The following MACROD2 variants were observed in gnomAD, a reference collection of about 807,000 sequenced individuals.
MACROD2 encodes mono-ADP ribosylhydrolase 2.
MACROD2 carries 36 observed loss-of-function variants against 70.4 expected under a neutral mutation model. The observed-to-expected ratio is 0.51, with a 90% CI of 0.39 to 0.68. MACROD2 has a LOEUF of 0.68. Ranked by LOEUF, MACROD2 falls within the 30% of genes least tolerant of loss-of-function variation. MACROD2 has a pLI of 0.00. For synonymous variants in MACROD2, 172 were observed against 178.8 expected (o/e 0.96, Z 0.30); for missense variants, 496 against 538.4 (o/e 0.92, Z 0.78).
At chr20:15,833,886 C>T (rs979825342) in intron 8 of MACROD2, among the ~76,000 whole-genome samples, 2 of 152,148 alleles carry the variant, frequency 1.3e-5, no homozygotes, top group Non-Finnish European at 2.9e-5. Context: ...TCACTCTTAT[C>T]GTCACTGGTT....
At chr20:15,794,970 CCCCA>C (rs1333357332) in intron 8 of MACROD2, among the ~76,000 whole-genome samples, 5 of 152,028 alleles carry the variant, frequency 3.3e-5, no homozygotes, top group African/African-American at 1.2e-4. Flanking sequence ...CTTTCCTACC[CCCCA>C]CCCAACCAGT....
chr20:14,706,013 T>C (rs1165308001), intron 5 of MACROD2, among the ~76,000 whole-genome samples: 1 of 152,126 alleles, frequency 6.6e-6, no homozygotes, highest in Non-Finnish European at 1.5e-5. Context: ...ATATTGCATA[T>C]GCTTAAAAAT....
intron 8 of MACROD2, among the ~76,000 whole-genome samples, chr20:15,673,575 T>C (rs1017983150): frequency 1.3e-5 from 2 of 152,214 alleles, no homozygotes; most frequent in Non-Finnish European, 2.9e-5. Context: ...GCTTAGCACC[T>C]GTTCATGGTC....
In MACROD2 at chr20:15,529,762, C is replaced by T. The variant is rs960215494; in HGVS notation, c.645+29915C>T. On this transcript the variant is annotated intron_variant, in intron 8 of 17. Coordinates refer to ENST00000684519, the MANE Select transcript of MACROD2 (RefSeq NM_001351661.2). Reference sequence around the variant, plus strand: ...AACTCCTAACTTGACTGATATCCGCCCCCCCCACCTTTGACCGATTATGTT... The same window carrying T: ...AACTCCTAACTTGACTGATATCCGCTCCCCCCACCTTTGACCGATTATGTT... Among the ~76,000 whole-genome samples, 4 of 152,130 alleles carry T rather than the reference C, an allele frequency of 2.6e-5. No individual in the cohort carries two copies. In the East Asian group the frequency reaches 5.8e-4, roughly 22 times the overall value.
intron 5 of MACROD2, among the ~76,000 whole-genome samples, chr20:14,755,943 C>T (rs2071934711): frequency 6.6e-6 from 1 of 152,018 alleles, no homozygotes; most frequent in South Asian, 2.1e-4. Flanking sequence ...AAACTGATCT[C>T]TTAAGATTTA....
intron 5 of MACROD2, among the ~76,000 whole-genome samples, chr20:15,069,484 T>C (rs2075602474): frequency 6.6e-6 from 1 of 152,188 alleles, no homozygotes; most frequent in African/African-American, 2.4e-5. Flanking sequence ...TTCAGAACTC[T>C]AGGCTGCCCT....
intron 8 of MACROD2, among the ~76,000 whole-genome samples, chr20:15,609,862 CAG>C (rs2048943399): frequency 1.3e-5 from 2 of 152,202 alleles, no homozygotes; most frequent in Admixed American, 1.3e-4. Flanking sequence ...CCAGCCCTCT[CAG>C]GGGATACAGA....
intron 8 of MACROD2, among the ~76,000 whole-genome samples, chr20:15,776,100 A>T (rs921917652): frequency 6.6e-6 from 1 of 152,210 alleles, no homozygotes; most frequent in Non-Finnish European, 1.5e-5. Context: ...AATGCTTCAC[A>T]ATTGTAGTTT....
chr20:14,622,896 C>T (rs781517518), intron 4 of MACROD2: 6 of 152,118 alleles, frequency 3.9e-5, no homozygotes, highest in Admixed American at 2.0e-4. Flanking sequence ...GTACCCAGAT[C>T]CCCCTTTCAG....
intron 8 of MACROD2, among the ~76,000 whole-genome samples, chr20:15,785,519 G>C (rs576619069): frequency 7.9e-5 from 12 of 152,212 alleles, no homozygotes; most frequent in Non-Finnish European, 1.5e-4. Context: ...AAAAACATAA[G>C]GCAAACAGAA....
At chr20:15,314,457 A>AT (rs2077787615) in intron 6 of MACROD2, among the ~76,000 whole-genome samples, 1 of 152,282 alleles carries the variant, frequency 6.6e-6, no homozygotes, top group African/African-American at 2.4e-5. Context: ...AAAAAATGAT[A>AT]TAAAAACTTC....
intron 6 of MACROD2, among the ~76,000 whole-genome samples, chr20:15,351,056 T>C: frequency 7.6e-6 from 1 of 130,840 alleles, no homozygotes; most frequent in Non-Finnish European, 1.5e-5. Flanking sequence ...TGGAAAGTGT[T>C]AACAGAAATG....
chr20:14,714,727 C>T (rs2071377997), intron 5 of MACROD2, among the ~76,000 whole-genome samples: 1 of 152,120 alleles, frequency 6.6e-6, no homozygotes, highest in East Asian at 1.9e-4. Flanking sequence ...TCCTACTTAT[C>T]CTTCACATCA....
intron 4 of MACROD2, among the ~76,000 whole-genome samples, chr20:14,539,663 T>G (rs1376518804): frequency 1.3e-5 from 2 of 152,242 alleles, no homozygotes; most frequent in Non-Finnish European, 2.9e-5. Flanking sequence ...TTTTTAAAAA[T>G]TAAAAAGATG....
intron 4 of MACROD2, among the ~76,000 whole-genome samples, chr20:14,528,346 G>A (rs1000219707): frequency 1.4e-5 from 2 of 147,142 alleles, no homozygotes; most frequent in African/African-American, 5.0e-5. Flanking sequence ...AGTAGAGATG[G>A]TTTCTCCATG....
At chr20:14,577,046 CTT>C (rs1980646842) in intron 4 of MACROD2, among the ~76,000 whole-genome samples, 1 of 152,098 alleles carries the variant, frequency 6.6e-6, no homozygotes, top group Non-Finnish European at 1.5e-5. Context: ...AAATCTTAAA[CTT>C]GAGTTTCTTT....
chr20:14,054,622 TATAA>T (rs1368939766), intron 2 of MACROD2, among the ~76,000 whole-genome samples: 2 of 152,088 alleles, frequency 1.3e-5, no homozygotes, highest in African/African-American at 4.8e-5. Context: ...AGAGTAAAAG[TATAA>T]TGGTGAGGGT....
chr20:14,004,247 A>T (rs962645734), intron 2 of MACROD2, among the ~76,000 whole-genome samples: 1 of 152,228 alleles, frequency 6.6e-6, no homozygotes, highest in Admixed American at 6.5e-5. Flanking sequence ...ATTAGAAAAG[A>T]ATACATTGAA....
At chr20:15,060,209 A>G (rs566338474) in intron 5 of MACROD2, among the ~76,000 whole-genome samples, 2 of 152,316 alleles carry the variant, frequency 1.3e-5, no homozygotes, top group Admixed American at 1.3e-4. Flanking sequence ...ATTTCCAAGA[A>G]TCCCCTGCCC....
Sources: allele counts gnomAD v4.1 joint callset (sites outside exome capture counted in the v4.1 genomes callset), GRCh38; gene constraint gnomAD v4.1.1; transcripts MANE v1.5; gene names NCBI Gene and HGNC (gene_info 2026-07-23, HGNC 2026-07-21).